FBXW7: variants seen among roughly 807,000 people sequenced by gnomAD.
FBXW7 encodes the protein F-box/WD repeat-containing protein 7.
FBXW7 carries 11 observed loss-of-function variants against 86.3 expected under a neutral mutation model. That is an observed-to-expected ratio of 0.13 (90% CI 0.08 to 0.21). FBXW7 has a LOEUF of 0.21. Ranked by LOEUF, FBXW7 falls within the 10% of genes least tolerant of loss-of-function variation. The pLI, the probability that FBXW7 is intolerant of heterozygous loss-of-function variation, is 1.00. For synonymous variants in FBXW7, 313 were observed against 297.9 expected, an observed-to-expected ratio of 1.05 and a Z score of -0.52; for missense variants, 488 against 847.4, an observed-to-expected ratio of 0.58 and a Z score of 5.27.
intron 4 of FBXW7, among the ~76,000 whole-genome samples, chr4:152,365,314 T>A (rs947278027): frequency 6.6e-6 from 1 of 152,082 alleles, no homozygotes; most frequent in African/African-American, 2.4e-5. Flanking sequence ...TAATGCTGCA[T>A]AGTAGTTAAG....
At chr4:152,510,760 G>T (rs969247618) in intron 2 of FBXW7, among the ~76,000 whole-genome samples, 1 of 152,178 alleles carries the variant, frequency 6.6e-6, no homozygotes, top group African/African-American at 2.4e-5. Flanking sequence ...TCAGTCTATT[G>T]AATAAGGCTA....
rs1740117023 is a variant in FBXW7 at position 152,433,727 on chromosome 4, T to C, written c.-119-21198A>G. ...GGATTTTTTCCAGTAGTCTTCAGTCTTGAACTTCAGCAAACAGAAATATCC... is the reference window on the plus strand; with the variant it reads ...GGATTTTTTCCAGTAGTCTTCAGTCCTGAACTTCAGCAAACAGAAATATCC... On this transcript the variant is annotated intron_variant, in intron 2 of 13. Coordinates refer to ENST00000281708, the MANE Select transcript of FBXW7 (RefSeq NM_001349798.2). Among the ~76,000 whole-genome samples the C allele has an allele frequency of 2.6e-5, 4 of 152,206 alleles. No individual in the cohort carries two copies. The South Asian group carries it at 8.3e-4, about 31-fold the overall frequency.
intron 2 of FBXW7, among the ~76,000 whole-genome samples, chr4:152,522,691 T>C (rs1194465670): frequency 6.6e-6 from 1 of 152,176 alleles, no homozygotes. Flanking sequence ...GTGCCAAATG[T>C]CCCCTGGGGA....
chr4:152,423,024 C>A (rs898449932), intron 2 of FBXW7, among the ~76,000 whole-genome samples: 2 of 152,152 alleles, frequency 1.3e-5, no homozygotes, highest in African/African-American at 4.8e-5. Context: ...GCATATTCAT[C>A]TGGTCTCTTT....
At chr4:152,472,200 G>A (rs1744026169) in intron 2 of FBXW7, among the ~76,000 whole-genome samples, 1 of 152,112 alleles carries the variant, frequency 6.6e-6, no homozygotes. Context: ...AGGTAAAAAT[G>A]TATAATAATA....
chr4:152,379,224 A>G (rs1734835885), intron 4 of FBXW7, among the ~76,000 whole-genome samples: 1 of 151,984 alleles, frequency 6.6e-6, no homozygotes, highest in East Asian at 1.9e-4. Context: ...ATTTCAAATA[A>G]AAAATAGTTA....
chr4:152,372,943 A>G lies in FBXW7; in HGVS notation c.502-22819T>C, dbSNP rs144351058. Among the ~76,000 whole-genome samples the G allele has an allele frequency of 3.0e-4, 45 of 152,142 alleles. 1 individual carries two copies. In the East Asian group the frequency reaches 6.2e-3, roughly 21 times the overall value. On this transcript the variant is annotated intron_variant, in intron 4 of 13. Transcript: ENST00000281708. ...AATACTAAAACATCATCTGATGACA[A>G]AAACATACAGAAGGCAGTATTATCA...
chr4:152,329,424 T>C (rs1275773694), intron 10 of FBXW7, among the ~76,000 whole-genome samples: 1 of 151,834 alleles, frequency 6.6e-6, no homozygotes, highest in Non-Finnish European at 1.5e-5. Context: ...TTAAAGTATC[T>C]GTCACAAAGA....
At chr4:152,464,688 A>G (rs1180138395) in intron 2 of FBXW7, among the ~76,000 whole-genome samples, 1 of 152,250 alleles carries the variant, frequency 6.6e-6, no homozygotes, top group Non-Finnish European at 1.5e-5. Flanking sequence ...GTTGTAATTA[A>G]TTAAAATGAC....
chr4:152,453,352 C>A (rs956386960), intron 2 of FBXW7, among the ~76,000 whole-genome samples: 6 of 152,134 alleles, frequency 3.9e-5, no homozygotes, highest in Admixed American at 3.9e-4. Context: ...AGGGGTTCTC[C>A]TTGGTTCTGT....
chr4:152,364,077 T>C (rs185036394), intron 4 of FBXW7, among the ~76,000 whole-genome samples: 2 of 152,326 alleles, frequency 1.3e-5, no homozygotes, highest in East Asian at 3.9e-4. Context: ...AATTGTGTAC[T>C]GTGATACACT....
intron 4 of FBXW7, chr4:152,353,024 C>T (rs1376194821): frequency 8.3e-7 from 1 of 1,204,944 alleles, no homozygotes; most frequent in African/African-American, 1.5e-5. Context: ...ACAGCCCCCT[C>T]TCCCCTTTCA....
chr4:152,498,321 A>T (rs1208440161), intron 2 of FBXW7, among the ~76,000 whole-genome samples: 1 of 152,178 alleles, frequency 6.6e-6, no homozygotes, highest in Admixed American at 6.5e-5. Context: ...AAACATTAAG[A>T]AGACAGTAAT....
At chr4:152,335,214 G>A (rs1729948663) in intron 7 of FBXW7, among the ~76,000 whole-genome samples, 1 of 152,106 alleles carries the variant, frequency 6.6e-6, no homozygotes, top group Admixed American at 6.5e-5. Flanking sequence ...GAAGTGAGGT[G>A]TTTGGAAAAT....
At chr4:152,325,606 T>A (rs1728948465) in intron 12 of FBXW7, 1 of 175,452 alleles carries the variant, frequency 5.7e-6, no homozygotes, top group Non-Finnish European at 1.2e-5. Flanking sequence ...GGGGATGGAA[T>A]CACAATTACA....
chr4:152,450,233 G>A (rs1477176026), intron 2 of FBXW7, among the ~76,000 whole-genome samples: 1 of 152,138 alleles, frequency 6.6e-6, no homozygotes, highest in Non-Finnish European at 1.5e-5. Flanking sequence ...TAAAGGCTAT[G>A]GTAACAAACA....
At chr4:152,344,044 GCTT>G (rs919729993) in intron 6 of FBXW7, among the ~76,000 whole-genome samples, 2 of 152,130 alleles carry the variant, frequency 1.3e-5, no homozygotes, top group Admixed American at 1.3e-4. Flanking sequence ...CTCCCATACT[GCTT>G]ATTATGCAAC....
intron 2 of FBXW7, among the ~76,000 whole-genome samples, chr4:152,478,043 AACTTTT>A (rs1744577768): frequency 6.6e-6 from 1 of 152,160 alleles, no homozygotes; most frequent in African/African-American, 2.4e-5. Flanking sequence ...TCAAAATACA[AACTTTT>A]ACTTTAAAAA....
At chr4:152,408,135 G>C (rs1361582068) in intron 4 of FBXW7, among the ~76,000 whole-genome samples, 1 of 152,184 alleles carries the variant, frequency 6.6e-6, no homozygotes, top group Non-Finnish European at 1.5e-5. Context: ...TATGTGAGAA[G>C]AGAACAGGTG....
Sources: gnomAD v4.1 joint callset for allele counts (sites outside exome capture counted in the v4.1 genomes callset) on GRCh38, gnomAD v4.1.1 for gene constraint, MANE v1.5 for transcripts, NCBI Gene and HGNC (gene_info 2026-07-23, HGNC 2026-07-21) for gene names.